ATG7: variants seen among roughly 807,000 people sequenced by gnomAD.
ATG7 encodes the protein ubiquitin-like modifier-activating enzyme ATG7.
In ATG7, 70 loss-of-function variants were observed where a neutral mutation model predicts 82.4. The observed-to-expected ratio is 0.85, with a 90% CI of 0.70 to 1.04. ATG7 has a LOEUF of 1.04. ATG7 is among the 50% of genes least tolerant of loss of function. The pLI is 0.00. For missense variants in ATG7, 792 were observed against 864.3 expected (o/e 0.92, Z 1.05); for synonymous variants, 287 against 313.0 (o/e 0.92, Z 0.88).
chr3:11,417,456 A>T (rs537948442), intron 19 of ATG7, among the ~76,000 whole-genome samples: 1 of 152,236 alleles, frequency 6.6e-6, no homozygotes, highest in Non-Finnish European at 1.5e-5. Context: ...ATTTGCTTTG[A>T]AGTCTGTTCT....
At chr3:11,417,797 A>ATTTTT in intron 19 of ATG7, among the ~76,000 whole-genome samples, 3 of 43,134 alleles carry the variant, frequency 7.0e-5, no homozygotes, top group African/African-American at 2.1e-4. Context: ...TATTATTATT[A>ATTTTT]TTATTTTATT....
chr3:11,522,350 A>G (rs2092464141), intron 20 of ATG7, among the ~76,000 whole-genome samples: 1 of 152,112 alleles, frequency 6.6e-6, no homozygotes, highest in South Asian at 2.1e-4. Context: ...AGAACTGCCC[A>G]CCTTTTGTGC....
chr3:11,309,177 T>C (rs1034179644), intron 7 of ATG7, 116 bp downstream of exon 7: 4 of 1,007,068 alleles, frequency 4.0e-6, no homozygotes, highest in Middle Eastern at 2.1e-4. Context: ...GTTACTTAAA[T>C]AATAGCTGTT....
rs113174575 is a variant in ATG7 at position 11,413,424 on chromosome 3, G to T, written c.1957-13380G>T. On this transcript the variant is annotated intron_variant, in intron 19 of 20. Transcript: ENST00000693202. ...CTGCATCAATCGAGATGATTGTGTG[G>T]CTTCCCCCCCGCCCCACTTTCTTCA... is the stretch of plus-strand genomic sequence containing the variant. Among the ~76,000 whole-genome samples, 326 of 152,176 alleles carry T rather than the reference G, an allele frequency of 2.1e-3. 1 individual carries two copies. The highest frequency in any genetic ancestry group is 7.5e-3 in the African/African-American group (311 of 41,504).
intron 20 of ATG7, among the ~76,000 whole-genome samples, chr3:11,444,612 C>T (rs1053647144): frequency 6.6e-6 from 1 of 152,144 alleles, no homozygotes; most frequent in Non-Finnish European, 1.5e-5. Flanking sequence ...CTATTAAAAC[C>T]CTGGAAGACA....
chr3:11,433,197 C>T (rs1281677279), intron 20 of ATG7, among the ~76,000 whole-genome samples: 1 of 148,058 alleles, frequency 6.8e-6, no homozygotes, highest in Non-Finnish European at 1.5e-5. Flanking sequence ...GCAGGAGGAT[C>T]ACTTGAGCCC....
chr3:11,503,877 C>A (rs2091525233), intron 20 of ATG7, among the ~76,000 whole-genome samples: 1 of 148,766 alleles, frequency 6.7e-6, no homozygotes, highest in African/African-American at 2.5e-5. Context: ...AGAAACTAAG[C>A]AAAAAGACAA....
chr3:11,462,846 TTTATTTATTTATTTATTTA>T (rs2086461490), intron 20 of ATG7, among the ~76,000 whole-genome samples: 7 of 3,594 alleles, frequency 1.9e-3, no homozygotes, highest in Non-Finnish European at 0.015. Flanking sequence ...GATATTTTTA[TTTATTTATTTATTTATTTA>T]TTTATTTATT....
chr3:11,312,188 A>G (rs1948771991), intron 7 of ATG7, among the ~76,000 whole-genome samples: 1 of 152,180 alleles, frequency 6.6e-6, no homozygotes, highest in Admixed American at 6.5e-5. Context: ...ATTATATCTC[A>G]ATAAAAAGTC....
chr3:11,491,448 G>A (rs2442786), intron 20 of ATG7, among the ~76,000 whole-genome samples: 80,043 of 151,940 alleles, frequency 0.53, 22,045 homozygotes, highest in East Asian at 0.66. Flanking sequence ...TAGTTTGATC[G>A]TCAGAAGCCT....
intron 20 of ATG7, among the ~76,000 whole-genome samples, chr3:11,448,239 C>A (rs1206219177): frequency 2.0e-5 from 3 of 152,356 alleles, no homozygotes; most frequent in Non-Finnish European, 4.4e-5. Flanking sequence ...GAGATTGGAG[C>A]ACAGTGCCTC....
At chr3:11,523,516 T>C (rs1312666297) in intron 20 of ATG7, among the ~76,000 whole-genome samples, 1 of 152,248 alleles carries the variant, frequency 6.6e-6, no homozygotes, top group African/African-American at 2.4e-5. Context: ...GTGTTTGATT[T>C]AGAGTGATGG....
chr3:11,498,578 T>C (rs2091049588), intron 20 of ATG7, among the ~76,000 whole-genome samples: 1 of 152,160 alleles, frequency 6.6e-6, no homozygotes, highest in African/African-American at 2.4e-5. Context: ...ACCAAACCCC[T>C]CCCCACTGCT....
chr3:11,306,118 A>ACT (rs201358717), intron 5 of ATG7, among the ~76,000 whole-genome samples: 3,923 of 152,288 alleles, frequency 0.026, 172 homozygotes, highest in African/African-American at 0.087. Context: ...TACTCTGAGG[A>ACT]CTGTGAGGCC....
chr3:11,464,999 A>T (rs1254006239), intron 20 of ATG7, among the ~76,000 whole-genome samples: 1 of 152,136 alleles, frequency 6.6e-6, no homozygotes, highest in Non-Finnish European at 1.5e-5. Flanking sequence ...CGTCATCAAC[A>T]ATCACAGCCT....
chr3:11,321,390 A>C (rs933481635), intron 9 of ATG7, among the ~76,000 whole-genome samples: 1 of 144,268 alleles, frequency 6.9e-6, no homozygotes, highest in Non-Finnish European at 1.5e-5. Context: ...CCAGCCACCA[A>C]CAGCTGGGAC....
intron 18 of ATG7, among the ~76,000 whole-genome samples, chr3:11,372,819 C>T (rs987874073): frequency 5.0e-4 from 40 of 80,480 alleles, no homozygotes; most frequent in East Asian, 3.6e-3. Context: ...TGTGTGTGCG[C>T]GCGTGTGCGT....
At chr3:11,560,763 G>T (rs911678004), downstream of ATG7, among the ~76,000 whole-genome samples, 1 of 152,122 alleles carries the variant, frequency 6.6e-6, no homozygotes, top group Non-Finnish European at 1.5e-5. Flanking sequence ...CTTAGCAGCG[G>T]GACAGAGCTG....
At chr3:11,425,463 C>T (rs2152940465) in intron 19 of ATG7, among the ~76,000 whole-genome samples, 1 of 152,302 alleles carries the variant, frequency 6.6e-6, no homozygotes, top group Middle Eastern at 3.4e-3. Flanking sequence ...GATATGTCTT[C>T]AATGTCTGCT....
Sources: allele counts gnomAD v4.1 joint callset (sites outside exome capture counted in the v4.1 genomes callset), GRCh38; gene constraint gnomAD v4.1.1; transcripts MANE v1.5; gene names NCBI Gene and HGNC (gene_info 2026-07-23, HGNC 2026-07-21).